The following PTBP2 variants were observed in gnomAD, a reference collection of about 807,000 sequenced individuals.
PTBP2 encodes polypyrimidine tract-binding protein 2.
A neutral mutation model predicts 61.4 loss-of-function variants in PTBP2; 13 were observed. The observed-to-expected ratio is 0.21, with a 90% CI of 0.14 to 0.34. PTBP2 has a LOEUF of 0.34. Ranked by LOEUF, PTBP2 falls within the 10% of genes least tolerant of loss-of-function variation. The pLI, the probability that PTBP2 is intolerant of heterozygous loss-of-function variation, is 1.00. For synonymous variants in PTBP2, 215 were observed against 218.5 expected (o/e 0.98, Z 0.14); for missense variants, 405 against 642.6 (o/e 0.63, Z 4.00).
intron 2 of PTBP2, among the ~76,000 whole-genome samples, chr1:96,748,310 G>T (rs1278899157): frequency 6.6e-6 from 1 of 152,094 alleles, no homozygotes; most frequent in Non-Finnish European, 1.5e-5. Context: ...GTGATACATG[G>T]TATTAATAGT....
intron 8 of PTBP2, among the ~76,000 whole-genome samples, chr1:96,797,838 A>C (rs988793447): frequency 2.0e-5 from 3 of 152,178 alleles, no homozygotes; most frequent in Non-Finnish European, 4.4e-5. Context: ...GCAGTACACC[A>C]TTGTTTTACC....
chr1:96,780,804 TCAAA>T (rs1370118287), intron 7 of PTBP2, among the ~76,000 whole-genome samples: 1 of 152,070 alleles, frequency 6.6e-6, no homozygotes, highest in Non-Finnish European at 1.5e-5. Flanking sequence ...ATGAATATCT[TCAAA>T]CAGTGTGTTC....
chr1:96,764,557 G>A (rs527369115), intron 3 of PTBP2, among the ~76,000 whole-genome samples: 2 of 152,200 alleles, frequency 1.3e-5, no homozygotes, highest in Admixed American at 6.5e-5. Flanking sequence ...ATGACATTTT[G>A]CTCTACCTGA....
At chr1:96,765,980 T>C (rs1046443364) in intron 3 of PTBP2, among the ~76,000 whole-genome samples, 3 of 152,280 alleles carry the variant, frequency 2.0e-5, no homozygotes, top group African/African-American at 7.2e-5. Context: ...TGTTGACTGA[T>C]GGATGTGGTG....
downstream of PTBP2, chr1:96,817,737 T>C (rs914836819): frequency 1.3e-5 from 2 of 152,104 alleles, no homozygotes; most frequent in Non-Finnish European, 2.9e-5. Context: ...AAGAGGTAAT[T>C]GTTACCTTCA....
chr1:96,738,710 A>G (rs1208426108), intron 2 of PTBP2, among the ~76,000 whole-genome samples: 1 of 152,180 alleles, frequency 6.6e-6, no homozygotes, highest in Non-Finnish European at 1.5e-5. Context: ...GCTCTTTATA[A>G]TCTTTCTCTC....
intron 2 of PTBP2, among the ~76,000 whole-genome samples, chr1:96,729,613 G>A (rs951860758): frequency 2.0e-5 from 3 of 152,022 alleles, no homozygotes; most frequent in African/African-American, 7.3e-5. Flanking sequence ...TAGATATAGG[G>A]CTATTCAGTT....
intron 2 of PTBP2, among the ~76,000 whole-genome samples, chr1:96,736,744 C>G (rs1276406313): frequency 6.6e-6 from 1 of 152,078 alleles, no homozygotes; most frequent in Admixed American, 6.6e-5. Context: ...AGTGCCGTGG[C>G]ATGATCATGG....
At chr1:96,765,371 T>C (rs1656561273) in intron 3 of PTBP2, among the ~76,000 whole-genome samples, 1 of 152,142 alleles carries the variant, frequency 6.6e-6, no homozygotes, top group Admixed American at 6.5e-5. Flanking sequence ...TGTACACAGT[T>C]GAAAGTATAA....
chr1:96,805,403 A>G (rs1185477551), intron 9 of PTBP2, among the ~76,000 whole-genome samples: 2 of 152,086 alleles, frequency 1.3e-5, no homozygotes, highest in Admixed American at 6.5e-5. Context: ...GGTTCTTCCA[A>G]AGATCTTGAC....
chr1:96,802,978 A>G (rs929798353), intron 8 of PTBP2, among the ~76,000 whole-genome samples: 1 of 152,156 alleles, frequency 6.6e-6, no homozygotes. Flanking sequence ...AAGAAAAAAA[A>G]TTGTTGTGTG....
intron 5 of PTBP2, among the ~76,000 whole-genome samples, chr1:96,775,881 T>C (rs1657979170): frequency 6.6e-6 from 1 of 151,856 alleles, no homozygotes; most frequent in Non-Finnish European, 1.5e-5. Context: ...TAGAGAACAA[T>C]GAATAGTATT....
At chr1:96,766,162 G>A (rs985885207) in intron 3 of PTBP2, among the ~76,000 whole-genome samples, 1 of 152,156 alleles carries the variant, frequency 6.6e-6, no homozygotes, top group Non-Finnish European at 1.5e-5. Context: ...TGGAAGAGAA[G>A]TATTCAAGTA....
At chr1:96,730,363 C>T (rs1020487278) in intron 2 of PTBP2, among the ~76,000 whole-genome samples, 9 of 152,050 alleles carry the variant, frequency 5.9e-5, no homozygotes, top group South Asian at 2.1e-4. Flanking sequence ...TTTTAAGTAC[C>T]GCTTTCACGG....
chr1:96,790,948 G>C lies in PTBP2; in HGVS notation c.904+5694G>C, dbSNP rs552963476. ...ATTCATGCCCATAAAACAAAGACCA[G>C]GATACATTCGTATTTTATCGGTAAA... On this transcript the variant is annotated intron_variant, in intron 8 of 13. Coordinates refer to ENST00000674951, the MANE Select transcript of PTBP2 (RefSeq NM_021190.4). Among the ~76,000 whole-genome samples, 13 of 151,922 alleles carry C rather than the reference G, an allele frequency of 8.6e-5. 1 individual carries two copies. The highest frequency in any genetic ancestry group is 3.1e-4 in the African/African-American group (13 of 41,406).
chr1:96,818,986 A>G (rs1040192782), downstream of PTBP2: 2 of 152,024 alleles, frequency 1.3e-5, no homozygotes, highest in African/African-American at 4.8e-5. Context: ...AATTTAAACT[A>G]TTATGTACAA....
intron 3 of PTBP2, among the ~76,000 whole-genome samples, chr1:96,760,328 C>T (rs1258404158): frequency 2.0e-5 from 3 of 151,750 alleles, no homozygotes; most frequent in African/African-American, 4.8e-5. Context: ...ATAGAATTTA[C>T]ACCAACTAGA....
At chr1:96,800,478 T>A (rs1660872894) in intron 8 of PTBP2, among the ~76,000 whole-genome samples, 1 of 150,418 alleles carries the variant, frequency 6.6e-6, no homozygotes, top group African/African-American at 2.4e-5. Flanking sequence ...ACACCTGTAA[T>A]CCCAGCACTT....
intron 3 of PTBP2, among the ~76,000 whole-genome samples, chr1:96,758,555 C>G (rs1256357899): frequency 1.3e-5 from 2 of 151,948 alleles, no homozygotes; most frequent in Admixed American, 1.3e-4. Context: ...AGACTTATCG[C>G]AGGATTGTAA....
Sources: allele counts gnomAD v4.1 joint callset (sites outside exome capture counted in the v4.1 genomes callset), GRCh38; gene constraint gnomAD v4.1.1; transcripts MANE v1.5; gene names NCBI Gene and HGNC (gene_info 2026-07-23, HGNC 2026-07-21).